Variants in ITGB3BP observed in about 807,000 individuals in gnomAD.
ITGB3BP encodes integrin subunit beta 3 binding protein.
Under a neutral mutation model 29.1 loss-of-function variants are expected in ITGB3BP, and 27 were observed. The observed-to-expected ratio is 0.93, with a 90% confidence interval of 0.68 to 1.28. The LOEUF is 1.28. Among genes scored for constraint, ITGB3BP ranks in the 50% most tolerant of loss-of-function variants. The pLI, the probability that ITGB3BP is intolerant of heterozygous loss-of-function variation, is 0.00. For missense variants in ITGB3BP, 192 were observed against 200.2 expected, an observed-to-expected ratio of 0.96 and a Z score of 0.25; for synonymous variants, 61 against 61.4, an observed-to-expected ratio of 0.99 and a Z score of 0.03.
chr1:63,450,399 T>C (rs1054428421), intron 7 of ITGB3BP, among the ~76,000 whole-genome samples: 3 of 151,992 alleles, frequency 2.0e-5, no homozygotes, highest in Non-Finnish European at 2.9e-5. Flanking sequence ...TTATTGGAAG[T>C]ACTAGTCATA....
Position 63,440,878 on chromosome 1 carries a change from C to T in ITGB3BP, c.*227G>A, listed in dbSNP as rs749298768. On this transcript the variant is annotated 3_prime_UTR_variant, in exon 9 of 9. Transcript: ENST00000271002. ...AGATCTTCCTCTCCATGTTGGCTTA[C>T]ATTAAAGAGCCAAGAAGAAATGTAT... The T allele has an allele frequency of 6.6e-6, 1 of 152,572 alleles. No homozygotes were observed. The highest frequency in any genetic ancestry group is 1.5e-5 in the Non-Finnish European group (1 of 68,044). The allele number at this position is 152,572 out of a possible 1,614,324, so 9.5% of individuals were successfully genotyped here. A position where few individuals can be genotyped will look rare whatever the true frequency, so the allele number is the denominator to read the frequency against.
chr1:63,472,336 G>C (rs977631848), intron 4 of ITGB3BP, among the ~76,000 whole-genome samples: 1 of 149,978 alleles, frequency 6.7e-6, no homozygotes, highest in African/African-American at 2.5e-5. Context: ...CTTCGTCTCT[G>C]GTATCTCTCC....
chr1:63,523,216 G>T lies in ITGB3BP; in HGVS notation c.-83C>A. On this transcript the variant is annotated 5_prime_UTR_variant, in exon 1 of 9. Transcript: ENST00000271002. Reference sequence around the variant, plus strand: ...AAACAGAAAATCCGCCAAAGGAAACGCCAAGGCATGAAAAGCGCGCGCTGG... The same window carrying T: ...AAACAGAAAATCCGCCAAAGGAAACTCCAAGGCATGAAAAGCGCGCGCTGG... 6.3e-7 allele frequency: 1 copy of T among 1,591,178 alleles called. No individual in the cohort carries two copies. Among genetic ancestry groups the T allele is most frequent in the Non-Finnish European group, 8.6e-7 (1 of 1,161,380 alleles).
chr1:63,482,815 G>C lies in ITGB3BP; in HGVS notation c.185-3982C>G, dbSNP rs181703264. ...ACTGCAAGCGTGCACCACCACGCCT[G>C]GCTAATTTTTGTATTTTTAGTAGAG... On this transcript the variant is annotated intron_variant, in intron 3 of 8. Transcript: ENST00000271002. Among the ~76,000 whole-genome samples the C allele has an allele frequency of 4.4e-3, 671 of 152,032 alleles. 5 individuals are homozygous for C. Among genetic ancestry groups the C allele is most frequent in the African/African-American group, 0.015 (617 of 41,468 alleles).
intron 1 of ITGB3BP, 87 bp from the exon 2 acceptor site, chr1:63,508,657 G>T: frequency 1.7e-6 from 1 of 594,872 alleles, no homozygotes; most frequent in Non-Finnish European, 2.9e-6. Flanking sequence ...TATAAACAAA[G>T]ATTCTTAGTT....
chr1:63,481,253 T>C (rs6588041), intron 3 of ITGB3BP, among the ~76,000 whole-genome samples: 111,454 of 152,006 alleles, frequency 0.73, 42,952 homozygotes, highest in Non-Finnish European at 0.85. Context: ...TGTGGATCAA[T>C]AGTATTAACC....
chr1:63,482,356 T>G (rs774231993), intron 3 of ITGB3BP, among the ~76,000 whole-genome samples: 2 of 151,452 alleles, frequency 1.3e-5, no homozygotes, highest in African/African-American at 2.4e-5. Context: ...ACCCATACTT[T>G]ATAGTTGATA....
chr1:63,502,002 A>G (rs1180654879), intron 2 of ITGB3BP, among the ~76,000 whole-genome samples: 3 of 152,168 alleles, frequency 2.0e-5, no homozygotes, highest in Non-Finnish European at 2.9e-5. Flanking sequence ...CCTTGGTAAG[A>G]AGTATGCTCT....
At chr1:63,463,578 C>T (rs1213791579) in intron 4 of ITGB3BP, among the ~76,000 whole-genome samples, 1 of 152,188 alleles carries the variant, frequency 6.6e-6, no homozygotes, top group Non-Finnish European at 1.5e-5. Flanking sequence ...GAAAATAAAA[C>T]TTACAGGACA....
At chr1:63,448,336 T>TA (rs528386529) in intron 7 of ITGB3BP, among the ~76,000 whole-genome samples, 1,614 of 133,020 alleles carry the variant, frequency 0.012, 23 homozygotes, top group African/African-American at 0.036. Context: ...TAATAAAAAA[T>TA]AAAAAAAAAA....
intron 4 of ITGB3BP, among the ~76,000 whole-genome samples, chr1:63,468,537 C>T (rs1396363283): frequency 6.6e-6 from 1 of 151,814 alleles, no homozygotes; most frequent in Non-Finnish European, 1.5e-5. Flanking sequence ...ACTATCCTGG[C>T]CCACATGGTG....
chr1:63,503,461 T>C (rs1438379677), intron 2 of ITGB3BP, among the ~76,000 whole-genome samples: 2 of 152,028 alleles, frequency 1.3e-5, no homozygotes, highest in Non-Finnish European at 2.9e-5. Flanking sequence ...TTCTGTAGGT[T>C]GCCTGTTCAC....
intron 1 of ITGB3BP, 164 bp downstream of exon 1, chr1:63,522,965 A>G (rs769389544): frequency 3.7e-6 from 3 of 819,116 alleles, no homozygotes; most frequent in Non-Finnish European, 6.6e-6. Flanking sequence ...GCTGGAGGAG[A>G]CGTAGAGTTG....
chr1:63,473,366 C>T (rs1182208843), intron 4 of ITGB3BP, among the ~76,000 whole-genome samples: 24 of 145,366 alleles, frequency 1.7e-4, no homozygotes, highest in South Asian at 4.4e-4. Context: ...GCCCCCCGCC[C>T]GGCCAGCCGC....
chr1:63,460,875 C>T (rs976123804), intron 4 of ITGB3BP, among the ~76,000 whole-genome samples: 2 of 152,004 alleles, frequency 1.3e-5, no homozygotes, highest in Non-Finnish European at 2.9e-5. Context: ...GATTTGCATT[C>T]CTTTAATGAC....
intron 2 of ITGB3BP, among the ~76,000 whole-genome samples, chr1:63,528,478 TAGAA>T (rs1339632782): frequency 2.0e-5 from 3 of 151,612 alleles, no homozygotes; most frequent in African/African-American, 4.8e-5. Context: ...AATAGAAAAA[TAGAA>T]AGAATAAGAC....
At chr1:63,475,663 A>G (rs1645325483) in intron 4 of ITGB3BP, among the ~76,000 whole-genome samples, 1 of 152,230 alleles carries the variant, frequency 6.6e-6, no homozygotes. Flanking sequence ...TGGCTTTATT[A>G]GCTAGAACTG....
chr1:63,522,956 C>T (rs1287964333), intron 1 of ITGB3BP, 173 bp downstream of exon 1: 3 of 807,528 alleles, frequency 3.7e-6, no homozygotes, highest in South Asian at 1.3e-5. Context: ...ATGAGTACCG[C>T]TGGAGGAGAC....
intron 1 of ITGB3BP, chr1:63,522,817 TAC>T (rs1646486140): frequency 2.2e-6 from 1 of 460,158 alleles, no homozygotes; most frequent in African/African-American, 2.0e-5. Context: ...TGTTTTCATC[TAC>T]TCTGTCCCAT....
Sources: gnomAD v4.1 joint callset for allele counts (sites outside exome capture counted in the v4.1 genomes callset) on GRCh38, gnomAD v4.1.1 for gene constraint, MANE v1.5 for transcripts, NCBI Gene and HGNC (gene_info 2026-07-23, HGNC 2026-07-21) for gene names.